Variants in ZYG11B observed in about 807,000 individuals in gnomAD.
ZYG11B encodes zyg-11 family member B, cell cycle regulator, also known as protein zyg-11 homolog B.
Under a neutral mutation model 82.4 loss-of-function variants are expected in ZYG11B, and 36 were observed. That is an observed-to-expected ratio of 0.44 (90% CI 0.33 to 0.58). The LOEUF is 0.58. ZYG11B is among the 20% of genes least tolerant of loss of function. ZYG11B has a pLI of 0.02. For missense variants in ZYG11B, 552 were observed against 895.6 expected, an observed-to-expected ratio of 0.62 and a Z score of 4.90; for synonymous variants, 303 against 312.8, an observed-to-expected ratio of 0.97 and a Z score of 0.33.
At chr1:52,741,894 G>A (rs1238340576) in intron 1 of ZYG11B, among the ~76,000 whole-genome samples, 2 of 152,110 alleles carry the variant, frequency 1.3e-5, no homozygotes, top group South Asian at 2.1e-4. Context: ...AATGGTAGAG[G>A]TGGCATTTTA....
chr1:52,809,323 T>C (rs1394231585), intron 10 of ZYG11B, among the ~76,000 whole-genome samples: 1 of 152,164 alleles, frequency 6.6e-6, no homozygotes, highest in East Asian at 1.9e-4. Flanking sequence ...TAAACAATAC[T>C]ATTCCATTCC....
intron 10 of ZYG11B, among the ~76,000 whole-genome samples, chr1:52,807,377 A>G (rs1645149693): frequency 6.6e-6 from 1 of 151,984 alleles, no homozygotes; most frequent in South Asian, 2.1e-4. Flanking sequence ...GACCTTACAT[A>G]CTTACTGTTT....
chr1:52,821,420 G>GTT lies in ZYG11B; in HGVS notation c.2045-11_2045-10dup, dbSNP rs561627258. ...AAGCTATTTCTCCTGTTTTGTGTGT[G>GTT]TTTTTTTTTCTTTTTCAGCTTCAAG... On this transcript the variant is annotated intron_variant, in intron 13 of 13. Coordinates refer to ENST00000294353, the MANE Select transcript of ZYG11B (RefSeq NM_024646.3). The GTT allele has an allele frequency of 6.5e-5, 98 of 1,498,858 alleles. No homozygotes were observed. The highest frequency in any genetic ancestry group is 2.6e-4 in the South Asian group (20 of 75,760). 92.8% of individuals were successfully genotyped at this position (1,498,858 alleles called of 1,614,324 possible).
At chr1:52,761,806 T>C (rs923694780) in intron 2 of ZYG11B, among the ~76,000 whole-genome samples, 3 of 152,216 alleles carry the variant, frequency 2.0e-5, no homozygotes, top group African/African-American at 4.8e-5. Flanking sequence ...ACCAACAATG[T>C]ATAAGAGTTC....
rs1354073023 is a variant in ZYG11B at position 52,826,445 on chromosome 1, C to T, written c.*4816C>T. 2.6e-5 allele frequency: 4 copies of T among 152,148 alleles called. No homozygotes were observed. Among genetic ancestry groups the T allele is most frequent in the Non-Finnish European group, 4.4e-5 (3 of 68,034 alleles). The allele number at this position is 152,148 out of a possible 1,614,324, so 9.4% of individuals were successfully genotyped here. A position where few individuals can be genotyped will look rare whatever the true frequency, so the allele number is the denominator to read the frequency against. On this transcript the variant is annotated 3_prime_UTR_variant, in exon 14 of 14. Transcript: ENST00000294353. The stretch of plus-strand genomic sequence containing the variant: ...ACCTTCGTCCGGTGATGAGAATAGC[C>T]GTATGATAAGAGAATTTGCTCATCG...
At chr1:52,807,787 T>A (rs1645153061) in intron 10 of ZYG11B, among the ~76,000 whole-genome samples, 2 of 152,280 alleles carry the variant, frequency 1.3e-5, no homozygotes, top group African/African-American at 4.8e-5. Context: ...CACCATAGCC[T>A]GGTGTCATTT....
At chr1:52,750,985 A>C (rs1213551366) in intron 1 of ZYG11B, among the ~76,000 whole-genome samples, 1 of 152,038 alleles carries the variant, frequency 6.6e-6, no homozygotes, top group East Asian at 1.9e-4. Flanking sequence ...GGGCTGTACT[A>C]TATTTTGTTT....
intron 1 of ZYG11B, among the ~76,000 whole-genome samples, chr1:52,741,670 G>A (rs1055245272): frequency 1.3e-5 from 2 of 151,930 alleles, no homozygotes; most frequent in East Asian, 1.9e-4. Flanking sequence ...AAGAAAATGC[G>A]GGGTTTTTTT....
intron 10 of ZYG11B, among the ~76,000 whole-genome samples, chr1:52,810,817 C>T (rs550510712): frequency 1.3e-5 from 2 of 151,998 alleles, no homozygotes; most frequent in Non-Finnish European, 2.9e-5. Flanking sequence ...GGCGGATCAC[C>T]TGAGGTCAGG....
chr1:52,764,916 T>C (rs771647795), intron 2 of ZYG11B, among the ~76,000 whole-genome samples: 2 of 152,164 alleles, frequency 1.3e-5, no homozygotes, highest in Non-Finnish European at 2.9e-5. Context: ...AGTAAACTAG[T>C]GTTCCTAACA....
At chr1:52,732,658 A>T (rs980145495) in intron 1 of ZYG11B, among the ~76,000 whole-genome samples, 2 of 152,020 alleles carry the variant, frequency 1.3e-5, no homozygotes, top group Non-Finnish European at 2.9e-5. Flanking sequence ...CCAACTACTC[A>T]GGAGTCTGAG....
intron 12 of ZYG11B, among the ~76,000 whole-genome samples, chr1:52,814,995 C>G (rs926863727): frequency 1.3e-5 from 2 of 151,910 alleles, no homozygotes; most frequent in African/African-American, 4.8e-5. Flanking sequence ...CCTGTCTCTA[C>G]TGAAAGAACA....
intron 1 of ZYG11B, among the ~76,000 whole-genome samples, chr1:52,740,565 C>CTTTTTTTTT (rs57309331): frequency 8.0e-6 from 1 of 124,952 alleles, no homozygotes; most frequent in Non-Finnish European, 1.7e-5. Flanking sequence ...GTACTACCTT[C>CTTTTTTTTT]TTTTTTTTTT....
intron 1 of ZYG11B, among the ~76,000 whole-genome samples, chr1:52,726,911 A>G (rs1009086110): frequency 6.7e-6 from 1 of 150,288 alleles, no homozygotes; most frequent in Non-Finnish European, 1.5e-5. Flanking sequence ...CTTCTCCCCG[A>G]TGACATCCTT....
At chr1:52,760,320 T>C (rs746744194) in intron 2 of ZYG11B, among the ~76,000 whole-genome samples, 1 of 152,080 alleles carries the variant, frequency 6.6e-6, no homozygotes, top group African/African-American at 2.4e-5. Context: ...GGCGGGCGCC[T>C]GTAATCCCAG....
intron 3 of ZYG11B, among the ~76,000 whole-genome samples, chr1:52,773,133 T>C (rs1335317829): frequency 6.6e-6 from 1 of 152,078 alleles, no homozygotes; most frequent in Non-Finnish European, 1.5e-5. Flanking sequence ...ATGGTTTAAA[T>C]TTAGTTTAAC....
intron 1 of ZYG11B, among the ~76,000 whole-genome samples, chr1:52,736,439 ATTTTTTTCTTTTTCT>A (rs1193730230): frequency 1.3e-5 from 2 of 151,304 alleles, no homozygotes; most frequent in South Asian, 4.2e-4. Flanking sequence ...TGCCCAGCTA[ATTTTTTTCTTTTTCT>A]TTTTTTTCTT....
At position 52,821,544 on chromosome 1, in the gene ZYG11B, C is replaced by A; in HGVS notation, c.2150C>A (p.Ala717Asp). 1 of 1,613,992 alleles carries A rather than the reference C, an allele frequency of 6.2e-7. No homozygotes were observed. Among genetic ancestry groups the A allele is most frequent in the Non-Finnish European group, 8.5e-7 (1 of 1,179,970 alleles). ...CCCCATGTCCAACAGATTGCTGTGG[C>A]CATTCTGGATAGCTTAGAAAAACAC... is the stretch of plus-strand genomic sequence containing the variant. ...TDPHVQQIAV[A>D]ILDSLEKHIV... Residue 717 changes from alanine (A) to aspartate (D), a missense_variant, in exon 14 of 14, where the codon GCC (alanine) becomes GAC (aspartate). This residue lies in a region of ZYG11B where 127 missense variants were observed against 163.4 expected (regional missense o/e 0.78). Transcript: ENST00000294353.
intron 1 of ZYG11B, among the ~76,000 whole-genome samples, chr1:52,746,948 T>C (rs1273935619): frequency 6.6e-6 from 1 of 151,040 alleles, no homozygotes; most frequent in Non-Finnish European, 1.5e-5. Flanking sequence ...AGAGGCCTTA[T>C]GGGTAAGACA....
Sources: allele counts gnomAD v4.1 joint callset (sites outside exome capture counted in the v4.1 genomes callset), GRCh38; gene constraint gnomAD v4.1.1; regional missense constraint gnomAD v4.1.1; transcripts MANE v1.5; gene names NCBI Gene and HGNC (gene_info 2026-07-23, HGNC 2026-07-21).